The following TBCK variants were observed in gnomAD, a reference collection of about 807,000 sequenced individuals.
TBCK encodes TBC domain-containing protein kinase-like protein.
Under a neutral mutation model 113.4 loss-of-function variants are expected in TBCK, and 99 were observed. That is an observed-to-expected ratio of 0.87 (90% CI 0.74 to 1.03). The LOEUF (loss-of-function observed/expected upper bound fraction) is 1.03. Among genes scored for constraint, TBCK ranks in the 50% least tolerant of loss-of-function variants. TBCK has a pLI of 0.00. For missense variants in TBCK, 1,045 were observed against 1,061.3 expected (o/e 0.98, Z 0.21); for synonymous variants, 369 against 370.8 (o/e 1.00, Z 0.05).
rs895245038 is a variant in TBCK at position 106,167,104 on chromosome 4, A to G, written c.2235+3991T>C. The stretch of plus-strand genomic sequence containing the variant: ...TATATATAGGGGTGTGTGTGTGTGT[A>G]TTATATACACACTGTATATATATAT... On this transcript the variant is annotated intron_variant, in intron 23 of 25. Transcript: ENST00000394708. 2.0e-5 allele frequency among the ~76,000 whole-genome samples: 3 copies of G among 147,036 alleles called. No individual in the cohort carries two copies. In the South Asian group the frequency reaches 6.4e-4, roughly 31 times the overall value.
chr4:106,098,110 A>C (rs1159676678), intron 24 of TBCK, among the ~76,000 whole-genome samples: 9 of 152,066 alleles, frequency 5.9e-5, no homozygotes, highest in Non-Finnish European at 1.0e-4. Context: ...AACACGCAAC[A>C]CTACATATTT....
At chr4:106,100,049 T>C (rs1741368697) in intron 24 of TBCK, among the ~76,000 whole-genome samples, 1 of 152,188 alleles carries the variant, frequency 6.6e-6, no homozygotes, top group African/African-American at 2.4e-5. Flanking sequence ...CCCAAATATC[T>C]TTTTCTCATT....
At chr4:106,247,100 A>G (rs763275302) in intron 10 of TBCK, 39 bp downstream of exon 10, 3 of 1,579,714 alleles carry the variant, frequency 1.9e-6, no homozygotes, top group Non-Finnish European at 2.6e-6. Flanking sequence ...CTTTAAAAAC[A>G]AGGCTCATAT....
At chr4:106,125,739 G>T (rs919008182) in intron 23 of TBCK, among the ~76,000 whole-genome samples, 1 of 152,132 alleles carries the variant, frequency 6.6e-6, no homozygotes, top group Non-Finnish European at 1.5e-5. Flanking sequence ...GAGAGTGGTG[G>T]GGTGGAGGTG....
intron 25 of TBCK, among the ~76,000 whole-genome samples, chr4:106,068,295 T>C (rs1736906317): frequency 6.6e-6 from 1 of 151,998 alleles, no homozygotes; most frequent in Non-Finnish European, 1.5e-5. Context: ...ATGCTATCCC[T>C]CCCCCATCCC....
Position 106,042,068 on chromosome 4 carries a change from A to G in TBCK, c.*4502T>C, listed in dbSNP as rs1210162850. 6.6e-6 allele frequency: 1 copy of G among 152,228 alleles called. No homozygotes were observed. Among genetic ancestry groups the G allele is most frequent in the Non-Finnish European group, 1.5e-5 (1 of 68,036 alleles). 9.4% of individuals were successfully genotyped at this position (152,228 alleles called of 1,614,324 possible). Reference sequence around the variant, plus strand: ...TGAAACTCTTCACCATTAGTTTTCCACATAAAATTGAAGTTGGTAGCTGTG... The same window carrying G: ...TGAAACTCTTCACCATTAGTTTTCCGCATAAAATTGAAGTTGGTAGCTGTG... On this transcript the variant is annotated 3_prime_UTR_variant, in exon 26 of 26. Transcript: ENST00000394708.
chr4:106,293,423 T>C (rs1233396579), intron 3 of TBCK, among the ~76,000 whole-genome samples: 1 of 152,184 alleles, frequency 6.6e-6, no homozygotes, highest in Admixed American at 6.5e-5. Flanking sequence ...CCACTGACTC[T>C]ACATTATGGT....
At chr4:106,264,197 A>T (rs1762761907) in intron 3 of TBCK, among the ~76,000 whole-genome samples, 1 of 151,698 alleles carries the variant, frequency 6.6e-6, no homozygotes, top group Non-Finnish European at 1.5e-5. Flanking sequence ...CTGGAAGGTG[A>T]AACAAATAAG....
At chr4:106,202,514 G>T (rs1755006296) in intron 20 of TBCK, among the ~76,000 whole-genome samples, 1 of 151,782 alleles carries the variant, frequency 6.6e-6, no homozygotes, top group South Asian at 2.1e-4. Flanking sequence ...CGTTTTCATT[G>T]AACACAGCTA....
intron 23 of TBCK, 74 bp from the exon 24 acceptor site, chr4:106,116,452 T>C: frequency 8.3e-7 from 1 of 1,198,936 alleles, no homozygotes; most frequent in East Asian, 2.5e-5. Flanking sequence ...TAATAGAATA[T>C]CTTGATACCA....
Position 106,233,660 on chromosome 4 carries a change from A to C in TBCK, c.1450-10T>G. On this transcript the variant is annotated splice_polypyrimidine_tract_variant and intron_variant, in intron 15 of 25. Coordinates refer to ENST00000394708, the MANE Select transcript of TBCK (RefSeq NM_001163435.3). ...TGGCATGAATAGCTCCCTGCAAAAA[A>C]TAAAAGAAGATATATTAATTTATCA... 5 of 1,586,676 alleles carry C rather than the reference A, an allele frequency of 3.2e-6. No homozygotes were observed. Among genetic ancestry groups the C allele is most frequent in the Non-Finnish European group, 4.3e-6 (5 of 1,159,258 alleles).
intron 23 of TBCK, among the ~76,000 whole-genome samples, chr4:106,143,429 G>A (rs938904536): frequency 2.0e-5 from 3 of 152,224 alleles, no homozygotes; most frequent in South Asian, 4.2e-4. Context: ...TTTACTATAC[G>A]AGTACAAATT....
chr4:106,194,512 T>C (rs1429757100), intron 21 of TBCK, among the ~76,000 whole-genome samples: 2 of 152,054 alleles, frequency 1.3e-5, no homozygotes, highest in African/African-American at 4.8e-5. Flanking sequence ...AAATGTCCAA[T>C]AGGTTTTTAT....
chr4:106,193,636 A>G lies in TBCK; in HGVS notation c.2032T>C (p.Cys678Arg). The change falls in exon 22 of 26, where the codon TGT (cysteine) becomes CGT (arginine). Residue 678 changes from cysteine (C) to arginine (R), a missense_variant. By Grantham distance (180) the Cys-to-Arg change is radical. Coordinates refer to ENST00000394708, the MANE Select transcript of TBCK (RefSeq NM_001163435.3). Reference sequence around the variant, plus strand: ...GGTAAATCGGAGAAGAGAAGAATACACTCATTAAAGCCATTAGCCAAAAGC... The same window carrying G: ...GGTAAATCGGAGAAGAGAAGAATACGCTCATTAAAGCCATTAGCCAAAAGC... The part of the protein sequence containing the change: ...DRLLANGFNE[C>R]ILLFSDLPEI... 2 of 1,613,370 alleles carry G rather than the reference A, an allele frequency of 1.2e-6. No individual in the cohort carries two copies. Among genetic ancestry groups the G allele is most frequent in the Non-Finnish European group, 1.7e-6 (2 of 1,179,572 alleles).
intron 25 of TBCK, among the ~76,000 whole-genome samples, chr4:106,049,238 G>C (rs1397586642): frequency 6.6e-6 from 1 of 152,086 alleles, no homozygotes; most frequent in Non-Finnish European, 1.5e-5. Flanking sequence ...TTTTTGGAGT[G>C]CTTAGAGTTC....
chr4:106,171,904 CA>C (rs1227005822), intron 22 of TBCK, among the ~76,000 whole-genome samples: 3 of 152,000 alleles, frequency 2.0e-5, no homozygotes, highest in African/African-American at 7.2e-5. Flanking sequence ...AATCACGGCT[CA>C]CTGCAACCTT....
At chr4:106,145,371 T>C (rs1488754697) in intron 23 of TBCK, among the ~76,000 whole-genome samples, 1 of 152,146 alleles carries the variant, frequency 6.6e-6, no homozygotes, top group East Asian at 1.9e-4. Flanking sequence ...TTTTTAAGTT[T>C]TCAGGAGAAA....
chr4:106,112,477 C>T (rs759245194), intron 24 of TBCK, among the ~76,000 whole-genome samples: 22 of 152,274 alleles, frequency 1.4e-4, no homozygotes, highest in South Asian at 8.3e-4. Flanking sequence ...GTGGAAATCA[C>T]GTAATTCCCT....
intron 3 of TBCK, among the ~76,000 whole-genome samples, chr4:106,283,617 T>C (rs957492891): frequency 1.8e-4 from 28 of 152,254 alleles, no homozygotes; most frequent in African/African-American, 6.5e-4. Context: ...TAAAACTAAT[T>C]GTACAATTTA....
Sources: gnomAD v4.1 joint callset for allele counts (sites outside exome capture counted in the v4.1 genomes callset) on GRCh38, gnomAD v4.1.1 for gene constraint, MANE v1.5 for transcripts, NCBI Gene and HGNC (gene_info 2026-07-23, HGNC 2026-07-21) for gene names.